Variants in REEP1 observed in about 807,000 individuals in gnomAD.
REEP1 encodes receptor accessory protein 1.
REEP1 carries 22 observed loss-of-function variants against 40.3 expected under a neutral mutation model. The observed-to-expected ratio is 0.55, with a 90% CI of 0.39 to 0.78. The LOEUF (loss-of-function observed/expected upper bound fraction) is 0.78, where lower values mean the gene tolerates loss of function less well. REEP1 is among the 30% of genes least tolerant of loss of function. The pLI is 0.00. For missense variants in REEP1, 280 were observed against 361.1 expected (o/e 0.78, Z 1.82); for synonymous variants, 116 against 139.2 (o/e 0.83, Z 1.17).
In REEP1 at chr2:86,252,142, T is replaced by C. The variant is rs1574036038; in HGVS notation, c.304-72A>G. On this transcript the variant is annotated intron_variant, in intron 4 of 8. Coordinates refer to ENST00000538924, the MANE Select transcript of REEP1 (RefSeq NM_001371279.1). ...CATCTCTGTTTTCTTTCCTTTCCTC[T>C]GAGCATTGGGCTTGGCAGCTTGCCC... 6 of 1,119,044 alleles carry C rather than the reference T, an allele frequency of 5.4e-6. No homozygotes were observed. In the East Asian group the frequency reaches 1.4e-4, roughly 26 times the overall value. 69.3% of individuals were successfully genotyped at this position (1,119,044 alleles called of 1,614,324 possible). A position where few individuals can be genotyped will look rare whatever the true frequency, so the allele number is the denominator to read the frequency against.
At chr2:86,231,315 C>T (rs1206892282) in intron 6 of REEP1, among the ~76,000 whole-genome samples, 1 of 152,236 alleles carries the variant, frequency 6.6e-6, no homozygotes, top group Non-Finnish European at 1.5e-5. Flanking sequence ...CAACCCTGCC[C>T]TGCTTCCAGC....
intron 1 of REEP1, among the ~76,000 whole-genome samples, chr2:86,335,126 CA>C (rs11285276): frequency 0.55 from 83,640 of 151,916 alleles, 24,242 homozygotes; most frequent in East Asian, 0.84. Context: ...TACATATATG[CA>C]ATACAGGAAA....
chr2:86,297,008 G>C (rs1679017282), intron 1 of REEP1, among the ~76,000 whole-genome samples: 1 of 152,212 alleles, frequency 6.6e-6, no homozygotes, highest in Non-Finnish European at 1.5e-5. Flanking sequence ...CCCTCCCTCA[G>C]CATCTCCCAC....
chr2:86,255,266 T>C (rs1383726834), intron 3 of REEP1, among the ~76,000 whole-genome samples: 3 of 121,044 alleles, frequency 2.5e-5, no homozygotes, highest in Non-Finnish European at 3.8e-5. Flanking sequence ...CAGGGAAGAG[T>C]TGACAAAAAA....
chr2:86,321,855 T>C (rs1406991953), intron 1 of REEP1, among the ~76,000 whole-genome samples: 1 of 152,224 alleles, frequency 6.6e-6, no homozygotes, highest in Non-Finnish European at 1.5e-5. Context: ...AGCATCCCTT[T>C]TTAAGTCAGG....
intron 5 of REEP1, 56 bp from the exon 6 acceptor site, chr2:86,232,858 C>G (rs1407162102): frequency 6.5e-7 from 1 of 1,542,102 alleles, no homozygotes; most frequent in Non-Finnish European, 8.8e-7. Flanking sequence ...AGGTCACACT[C>G]GACAAAGGCC....
At chr2:86,333,362 A>G (rs913111103) in intron 1 of REEP1, among the ~76,000 whole-genome samples, 4 of 152,236 alleles carry the variant, frequency 2.6e-5, no homozygotes, top group Non-Finnish European at 5.9e-5. Flanking sequence ...GAACTTAGCC[A>G]GATCTTCAGC....
intron 3 of REEP1, among the ~76,000 whole-genome samples, chr2:86,260,986 T>C (rs539079653): frequency 6.6e-5 from 10 of 152,340 alleles, no homozygotes; most frequent in African/African-American, 2.4e-4. Flanking sequence ...AAATAGTTGT[T>C]GAGCACTTAC....
chr2:86,249,847 A>G (rs1355543723), intron 5 of REEP1, among the ~76,000 whole-genome samples: 3 of 152,102 alleles, frequency 2.0e-5, no homozygotes, highest in Admixed American at 1.3e-4. Context: ...TTTTTAGAAG[A>G]GAATATGTGT....
At chr2:86,232,520 T>G (rs1574004882) in intron 6 of REEP1, 105 bp downstream of exon 6, 1 of 1,362,228 alleles carries the variant, frequency 7.3e-7, no homozygotes. Flanking sequence ...TGGTGGCAGG[T>G]CCGTGGGGCC....
chr2:86,333,407 G>A (rs942426213), intron 1 of REEP1, among the ~76,000 whole-genome samples: 4 of 152,086 alleles, frequency 2.6e-5, no homozygotes, highest in African/African-American at 9.7e-5. Context: ...TCATCACACT[G>A]TATTTTCTAA....
intron 1 of REEP1, among the ~76,000 whole-genome samples, chr2:86,284,102 G>A (rs945573815): frequency 6.6e-6 from 1 of 152,016 alleles, no homozygotes; most frequent in Non-Finnish European, 1.5e-5. Context: ...GAAGCCTGCT[G>A]GGTTTGGTCA....
Position 86,337,326 on chromosome 2 carries a change from G to T in REEP1, c.32+153C>A, listed in dbSNP as rs1052923034. 28 of 413,230 alleles carry T rather than the reference G, an allele frequency of 6.8e-5. No homozygotes were observed. The highest frequency in any genetic ancestry group is 5.3e-4 in the African/African-American group (25 of 47,086). 25.6% of individuals were successfully genotyped at this position (413,230 alleles called of 1,614,324 possible). ...TCCTGCGCCGCCCGTCCGCCCGCAG[G>T]CGTCCTCGGCGGCTACTGTACCTGC... is the stretch of plus-strand genomic sequence containing the variant. On this transcript the variant is annotated intron_variant, in intron 1 of 8. Coordinates refer to ENST00000538924, the MANE Select transcript of REEP1 (RefSeq NM_001371279.1). This position sits in a 1 kb window ranked among gnomAD's most constrained non-coding sequence, Gnocchi z 5.8.
Position 86,337,517 on chromosome 2 carries a change from C to T in REEP1, c.-7G>A. 2.3e-6 allele frequency: 3 copies of T among 1,281,886 alleles called. No homozygotes were observed. The highest frequency in any genetic ancestry group is 9.9e-7 in the Non-Finnish European group (1 of 1,008,334). 79.4% of individuals were successfully genotyped at this position (1,281,886 alleles called of 1,614,324 possible). ...AGATGATCCATGACACCATGGCGGGCAGGCGGGCGGGCGAGGCCCGGGCGG... is the reference window on the plus strand; with the variant it reads ...AGATGATCCATGACACCATGGCGGGTAGGCGGGCGGGCGAGGCCCGGGCGG... On this transcript the variant is annotated 5_prime_UTR_variant, in exon 1 of 9. Coordinates refer to ENST00000538924, the MANE Select transcript of REEP1 (RefSeq NM_001371279.1). The surrounding 1 kb of genome is among the most constrained non-coding windows in gnomAD (Gnocchi z 5.8).
rs1444629898 is a variant in REEP1 at position 86,289,379 on chromosome 2, A to T, written c.33-7137T>A. Among the ~76,000 whole-genome samples, 6 of 152,338 alleles carry T rather than the reference A, an allele frequency of 3.9e-5. No homozygotes were observed. In the East Asian group the frequency reaches 1.2e-3, roughly 29 times the overall value. On this transcript the variant is annotated intron_variant, in intron 1 of 8. Transcript: ENST00000538924. ...CTCTATTTGACTGATCTACTGTCTA[A>T]CCATGCACCTATACCACGGTGTCTT...
At chr2:86,231,783 G>C (rs1675030482) in intron 6 of REEP1, among the ~76,000 whole-genome samples, 1 of 152,124 alleles carries the variant, frequency 6.6e-6, no homozygotes, top group Admixed American at 6.5e-5. Context: ...CCAAGGAGCA[G>C]CCTGGGAAAC....
chr2:86,300,859 A>G (rs1051604170), intron 1 of REEP1, among the ~76,000 whole-genome samples: 2 of 152,166 alleles, frequency 1.3e-5, no homozygotes, highest in African/African-American at 4.8e-5. Flanking sequence ...CCTTCTCTCC[A>G]TCTTGAACTT....
intron 2 of REEP1, among the ~76,000 whole-genome samples, chr2:86,274,885 C>T (rs953745725): frequency 6.6e-6 from 1 of 152,122 alleles, no homozygotes; most frequent in Non-Finnish European, 1.5e-5. Flanking sequence ...GGGTAGGAAG[C>T]GGCCTGGAGA....
rs755901202 is a variant in REEP1, at chr2:86,254,688, T to C, written c.303+6A>G. The C allele has an allele frequency of 1.2e-6, 2 of 1,613,008 alleles. No individual in the cohort carries two copies. Among genetic ancestry groups the C allele is most frequent in the Non-Finnish European group, 1.7e-6 (2 of 1,178,972 alleles). On this transcript the variant is annotated splice_donor_region_variant and intron_variant, in intron 4 of 8. Transcript: ENST00000538924. The stretch of plus-strand genomic sequence containing the variant: ...AAAGAATGAAAGACATGGCAGCATA[T>C]ATTACCTTTTCTTTTGAAGATAGCG...
Sources: allele counts gnomAD v4.1 joint callset (sites outside exome capture counted in the v4.1 genomes callset), GRCh38; gene constraint gnomAD v4.1.1; non-coding constraint Gnocchi (gnomAD v3.1); transcripts MANE v1.5; gene names NCBI Gene and HGNC (gene_info 2026-07-23, HGNC 2026-07-21).